The following GRIP1 variants were observed in gnomAD, a reference collection of about 807,000 sequenced individuals.
The protein encoded by GRIP1 is glutamate receptor interacting protein 1, also known as glutamate receptor-interacting protein 1.
A neutral mutation model predicts 129.9 loss-of-function variants in GRIP1; 45 were observed. The ratio of observed to expected loss-of-function variants is 0.35; its 90% CI spans 0.27 to 0.44. The LOEUF (loss-of-function observed/expected upper bound fraction) is 0.44. Among genes scored for constraint, GRIP1 ranks in the 20% least tolerant of loss-of-function variants. The pLI, the probability that GRIP1 is intolerant of heterozygous loss-of-function variation, is 1.00. For synonymous variants in GRIP1, 530 were observed against 520.8 expected (o/e 1.02, Z -0.24); for missense variants, 1,196 against 1,396.8 (o/e 0.86, Z 2.29).
chr12:67,062,555 A>G (rs1157651606), intron 1 of GRIP1, among the ~76,000 whole-genome samples: 1 of 150,602 alleles, frequency 6.6e-6, no homozygotes, highest in Non-Finnish European at 1.5e-5. Flanking sequence ...CACCCCCAGC[A>G]CAATCAACCC....
chr12:66,666,799 A>G (rs1378487669), intron 1 of GRIP1, among the ~76,000 whole-genome samples: 1 of 151,888 alleles, frequency 6.6e-6, no homozygotes, highest in Non-Finnish European at 1.5e-5. Context: ...ATCATTGCAT[A>G]CCTAAAAATG....
chr12:66,734,034 T>C (rs1257865320), intron 1 of GRIP1, among the ~76,000 whole-genome samples: 1 of 152,092 alleles, frequency 6.6e-6, no homozygotes, highest in Non-Finnish European at 1.5e-5. Flanking sequence ...AAAAAGGAAA[T>C]GTGGGGCCCA....
Position 66,596,898 on chromosome 12 carries a change from G to C in GRIP1, c.85C>G (p.Gln29Glu), listed in dbSNP as rs2064073775. 6.2e-7 allele frequency: 1 copy of C among 1,613,504 alleles called. No homozygotes were observed. Reference sequence around the variant, plus strand: ...AACGCTCCATCAGGCGGCTTTGTCTGGCTGGCGGATTTAGTGTAGGGACTC... The same window carrying C: ...AACGCTCCATCAGGCGGCTTTGTCTCGCTGGCGGATTTAGTGTAGGGACTC... ...DESPYTKSASQTKPPDGALAV... is the reference protein window; with the variant it reads ...DESPYTKSASETKPPDGALAV... The change falls in exon 2 of 25, where the codon CAG (glutamine) becomes GAG (glutamate). Residue 29 changes from glutamine to glutamate, a missense_variant. Coordinates refer to ENST00000359742, the MANE Select transcript of GRIP1 (RefSeq NM_001366722.1).
chr12:67,039,225 T>C (rs372122823), intron 1 of GRIP1, among the ~76,000 whole-genome samples: 6 of 152,178 alleles, frequency 3.9e-5, no homozygotes, highest in African/African-American at 1.2e-4. Context: ...CTGGCAAATA[T>C]ACCACTTAAA....
At chr12:66,449,477 T>C (rs2058716949) in intron 11 of GRIP1, among the ~76,000 whole-genome samples, 1 of 152,128 alleles carries the variant, frequency 6.6e-6, no homozygotes, top group South Asian at 2.1e-4. Flanking sequence ...AGAAGCACCA[T>C]TCTCATTCCA....
upstream of GRIP1, among the ~76,000 whole-genome samples, chr12:66,679,985 T>C (rs998860099): frequency 1.0e-3 from 158 of 152,268 alleles, 1 homozygote; most frequent in African/African-American, 3.6e-3. Flanking sequence ...CTGCTCGCCA[T>C]ATAGTCAATA....
chr12:67,066,888 T>TATATA (rs2043635570), intron 1 of GRIP1, among the ~76,000 whole-genome samples: 105 of 125,644 alleles, frequency 8.4e-4, no homozygotes, highest in Non-Finnish European at 1.4e-3. Context: ...AAATATATAT[T>TATATA]TATATATATA....
chr12:66,683,326 A>G (rs2136288245), upstream of GRIP1, among the ~76,000 whole-genome samples: 1 of 152,244 alleles, frequency 6.6e-6, no homozygotes, highest in Non-Finnish European at 1.5e-5. Context: ...TGTCAACATG[A>G]GACCAAACAT....
chr12:66,835,485 A>G (rs1326678273), intron 1 of GRIP1, among the ~76,000 whole-genome samples: 3 of 152,216 alleles, frequency 2.0e-5, no homozygotes, highest in Non-Finnish European at 4.4e-5. Flanking sequence ...CCAATTGCCA[A>G]AACTTGGAGG....
chr12:66,648,870 T>C (rs1240024195), intron 1 of GRIP1, among the ~76,000 whole-genome samples: 1 of 152,202 alleles, frequency 6.6e-6, no homozygotes, highest in Non-Finnish European at 1.5e-5. Context: ...AGTTGACAAA[T>C]ATTTCTAAAA....
intron 1 of GRIP1, among the ~76,000 whole-genome samples, chr12:66,748,891 T>A (rs1050708074): frequency 2.0e-5 from 3 of 152,240 alleles, no homozygotes; most frequent in Admixed American, 6.5e-5. Flanking sequence ...TACCTGAGTG[T>A]ATCCATCCCT....
At chr12:66,435,202 ATT>A (rs35281910) in intron 13 of GRIP1, among the ~76,000 whole-genome samples, 2 of 139,428 alleles carry the variant, frequency 1.4e-5, no homozygotes, top group Admixed American at 7.2e-5. Flanking sequence ...ACGTGTGACC[ATT>A]TTTTTTTTTT....
At position 66,878,980 on chromosome 12, in the gene GRIP1, G is replaced by C. The variant is rs1039013682; in HGVS notation, c.58+190070C>G. On this transcript the variant is annotated intron_variant, in intron 1 of 1. Transcript: ENST00000643019. ...AGACAATATGGACACTGATTTGAGG[G>C]GGGCATTGAGGGGTTGGTAGCTAGG... Among the ~76,000 whole-genome samples the C allele has an allele frequency of 2.6e-5, 4 of 152,000 alleles. No homozygotes were observed. The South Asian group carries it at 8.3e-4, about 32-fold the overall frequency.
chr12:66,925,468 C>G (rs1439708409), intron 1 of GRIP1, among the ~76,000 whole-genome samples: 1 of 152,050 alleles, frequency 6.6e-6, no homozygotes, highest in Non-Finnish European at 1.5e-5. Flanking sequence ...TCTCATTTGT[C>G]TGAAGTCATG....
chr12:66,570,397 C>G (rs890829447), intron 2 of GRIP1, among the ~76,000 whole-genome samples: 1 of 152,152 alleles, frequency 6.6e-6, no homozygotes, highest in South Asian at 2.1e-4. Flanking sequence ...AGGCATGAGC[C>G]ACCACACCGG....
At chr12:66,865,983 T>C (rs1410767903) in intron 1 of GRIP1, among the ~76,000 whole-genome samples, 1 of 152,124 alleles carries the variant, frequency 6.6e-6, no homozygotes, top group African/African-American at 2.4e-5. Context: ...CCCAGGGGTC[T>C]GTGTAAAGCA....
At chr12:66,701,353 A>C (rs2035345314) in intron 1 of GRIP1, among the ~76,000 whole-genome samples, 1 of 152,170 alleles carries the variant, frequency 6.6e-6, no homozygotes, top group African/African-American at 2.4e-5. Flanking sequence ...GAATTACTTT[A>C]ATAACACAAA....
chr12:66,888,597 A>T (rs567432690), intron 1 of GRIP1, among the ~76,000 whole-genome samples: 1 of 152,308 alleles, frequency 6.6e-6, no homozygotes, highest in Non-Finnish European at 1.5e-5. Context: ...TCCTGACCTC[A>T]GATGATTTGC....
intron 1 of GRIP1, among the ~76,000 whole-genome samples, chr12:66,928,851 A>T (rs2041339955): frequency 6.6e-6 from 1 of 152,320 alleles, no homozygotes; most frequent in African/African-American, 2.4e-5. Context: ...AAGCTGCACA[A>T]TATCTGTCTA....
Sources: allele counts gnomAD v4.1 joint callset (sites outside exome capture counted in the v4.1 genomes callset), GRCh38; gene constraint gnomAD v4.1.1; transcripts MANE v1.5; gene names NCBI Gene and HGNC (gene_info 2026-07-23, HGNC 2026-07-21).